Variants in CDK17 observed in about 807,000 individuals in gnomAD.
CDK17 encodes cyclin dependent kinase 17, also known as cyclin-dependent kinase 17.
A neutral mutation model predicts 77.6 loss-of-function variants in CDK17; 24 were observed. The ratio of observed to expected loss-of-function variants is 0.31; its 90% confidence interval spans 0.22 to 0.44. The LOEUF is 0.44. Among genes scored for constraint, CDK17 ranks in the 20% least tolerant of loss-of-function variants. The pLI is 1.00. For synonymous variants in CDK17, 203 were observed against 210.4 expected (o/e 0.96, Z 0.30); for missense variants, 429 against 622.5 (o/e 0.69, Z 3.31).
chr12:96,281,201 T>G (rs1271604937), intron 15 of CDK17, among the ~76,000 whole-genome samples: 2 of 152,176 alleles, frequency 1.3e-5, no homozygotes, highest in Non-Finnish European at 2.9e-5. Context: ...CAAAATATAT[T>G]ATTATACTAG....
In CDK17 at chr12:96,396,951, A is replaced by T. The variant is rs1954179472; in HGVS notation, c.-30+3035T>A. ...AATAACAAAGAAAATCATAGGGTAA[A>T]AATTTTTGTGTTCACAGATAACTGT... On this transcript the variant is annotated intron_variant, in intron 1 of 16. Coordinates refer to ENST00000261211, the MANE Select transcript of CDK17 (RefSeq NM_002595.5). Among the ~76,000 whole-genome samples the T allele has an allele frequency of 5.3e-5, 8 of 152,320 alleles. No homozygotes were observed. In the South Asian group the frequency reaches 1.7e-3, roughly 32 times the overall value.
chr12:96,370,206 A>C (rs1592759582), intron 1 of CDK17, among the ~76,000 whole-genome samples: 1 of 152,360 alleles, frequency 6.6e-6, no homozygotes, highest in East Asian at 1.9e-4. Context: ...AACTCCTACT[A>C]ACAGCAAGAT....
intron 12 of CDK17, 21 bp downstream of exon 12, chr12:96,286,643 G>A (rs1009425489): frequency 6.4e-7 from 1 of 1,572,504 alleles, no homozygotes; most frequent in African/African-American, 1.4e-5. Context: ...AAAATCACTG[G>A]GAAAAGATTT....
At chr12:96,333,490 C>T (rs944673791) in intron 2 of CDK17, among the ~76,000 whole-genome samples, 4 of 151,634 alleles carry the variant, frequency 2.6e-5, no homozygotes, top group East Asian at 1.9e-4. Context: ...CATGGTGAAA[C>T]CCCAACCCCA....
chr12:96,367,266 G>C (rs1223482936), intron 1 of CDK17, among the ~76,000 whole-genome samples: 1 of 141,584 alleles, frequency 7.1e-6, no homozygotes, highest in African/African-American at 2.7e-5. Flanking sequence ...AATCACTTGA[G>C]CCTAGGAGGT....
At chr12:96,384,508 G>A (rs989064254) in intron 1 of CDK17, among the ~76,000 whole-genome samples, 1 of 152,012 alleles carries the variant, frequency 6.6e-6, no homozygotes, top group Non-Finnish European at 1.5e-5. Context: ...AATCAACCTA[G>A]GTGCCCACTG....
chr12:96,299,013 A>G, intron 6 of CDK17, 30 bp from the exon 7 acceptor site: 2 of 1,103,532 alleles, frequency 1.8e-6, no homozygotes, highest in African/African-American at 1.6e-5. Context: ...AGGACGCATC[A>G]AAAGTATCAT....
At chr12:96,359,902 A>G (rs1484203601) in intron 1 of CDK17, among the ~76,000 whole-genome samples, 1 of 152,248 alleles carries the variant, frequency 6.6e-6, no homozygotes, top group Non-Finnish European at 1.5e-5. Flanking sequence ...ATCCCTATAA[A>G]GTAAACCGAG....
At chr12:96,350,103 T>C in intron 1 of CDK17, among the ~76,000 whole-genome samples, 2 of 152,250 alleles carry the variant, frequency 1.3e-5, no homozygotes, top group Non-Finnish European at 2.9e-5. Flanking sequence ...TACAAAATAT[T>C]GTTGAATAAA....
intron 1 of CDK17, among the ~76,000 whole-genome samples, chr12:96,393,256 C>G (rs1021398086): frequency 7.1e-6 from 1 of 140,608 alleles, no homozygotes; most frequent in South Asian, 2.2e-4. Flanking sequence ...TCCACCTACT[C>G]GAGAGGCTGA....
chr12:96,398,384 C>A (rs1397141663), intron 1 of CDK17, among the ~76,000 whole-genome samples: 1 of 151,904 alleles, frequency 6.6e-6, no homozygotes, highest in Non-Finnish European at 1.5e-5. Flanking sequence ...AATGTCAACT[C>A]CTCAGACTCA....
intron 1 of CDK17, among the ~76,000 whole-genome samples, chr12:96,359,309 CATTA>C (rs1261879692): frequency 6.6e-6 from 1 of 152,138 alleles, no homozygotes; most frequent in Non-Finnish European, 1.5e-5. Context: ...TTAAAGAAGA[CATTA>C]ATTAATACCA....
chr12:96,379,299 G>C (rs1953836893), intron 1 of CDK17, among the ~76,000 whole-genome samples: 1 of 152,154 alleles, frequency 6.6e-6, no homozygotes, highest in Admixed American at 6.5e-5. Context: ...ACCTATATTA[G>C]CAGGGAGATA....
chr12:96,390,688 G>A (rs1440307431), intron 1 of CDK17, among the ~76,000 whole-genome samples: 10 of 128,422 alleles, frequency 7.8e-5, no homozygotes, highest in East Asian at 2.2e-4. Context: ...CAGCCTGGAC[G>A]ATGGGGTGAG....
chr12:96,282,386 C>A (rs1952188920), intron 15 of CDK17, 123 bp downstream of exon 15: 1 of 612,980 alleles, frequency 1.6e-6, no homozygotes, highest in East Asian at 2.8e-5. Context: ...AAATTCTAAT[C>A]TAACTATAGA....
chr12:96,360,500 C>T (rs1953475651), intron 1 of CDK17, among the ~76,000 whole-genome samples: 1 of 152,154 alleles, frequency 6.6e-6, no homozygotes, highest in Non-Finnish European at 1.5e-5. Context: ...TTGGTTTAAA[C>T]ATCTCATTTT....
rs567771681 is a variant in CDK17 at position 96,316,610 on chromosome 12, A to G, written c.284-3156T>C. Among the ~76,000 whole-genome samples, 29 of 137,486 alleles carry G rather than the reference A, an allele frequency of 2.1e-4. 1 individual carries two copies. In the South Asian group the frequency reaches 5.5e-3, roughly 26 times the overall value. 90.2% of individuals were successfully genotyped at this position (137,486 alleles called of 152,430 possible). A position where few individuals can be genotyped will look rare whatever the true frequency, so the allele number is the denominator to read the frequency against. ...CTCCCAGCACGCAGCTGGAGATCTG[A>G]GAACGGGCAGACTGCCTCCTCAAGT... On this transcript the variant is annotated intron_variant, in intron 3 of 16. Coordinates refer to ENST00000261211, the MANE Select transcript of CDK17 (RefSeq NM_002595.5).
rs59971369 is a variant in CDK17, at chr12:96,389,026, T to TTTATTA, written c.-30+10954_-30+10959dup. Among the ~76,000 whole-genome samples the TTTATTA allele has an allele frequency of 5.6e-4, 85 of 150,972 alleles. 2 individuals are homozygous for TTTATTA. The highest frequency in any genetic ancestry group is 3.5e-3 in the Middle Eastern group (1 of 288). The stretch of plus-strand genomic sequence containing the variant: ...TACCTCCCACCAGGCCTCACTTTTT[T>TTTATTA]TTATTATTATTATTATTATTTTTTG... On this transcript the variant is annotated intron_variant, in intron 1 of 16. Transcript: ENST00000261211.
chr12:96,292,113 T>C (rs951911802), intron 10 of CDK17, among the ~76,000 whole-genome samples: 1 of 152,144 alleles, frequency 6.6e-6, no homozygotes, highest in Non-Finnish European at 1.5e-5. Flanking sequence ...ATATAATTTG[T>C]TATTCAAACA....
Sources: gnomAD v4.1 joint callset for allele counts (sites outside exome capture counted in the v4.1 genomes callset) on GRCh38, gnomAD v4.1.1 for gene constraint, MANE v1.5 for transcripts, NCBI Gene and HGNC (gene_info 2026-07-23, HGNC 2026-07-21) for gene names.